MYO6: variants seen among roughly 807,000 people sequenced by gnomAD.
The protein encoded by MYO6 is myosin VI.
In MYO6, 74 loss-of-function variants were observed where a neutral mutation model predicts 178.7. The ratio of observed to expected loss-of-function variants is 0.41; its 90% CI spans 0.34 to 0.50. The LOEUF (loss-of-function observed/expected upper bound fraction) is 0.50. MYO6 is among the 20% of genes least tolerant of loss of function. The pLI, the probability that MYO6 is intolerant of heterozygous loss-of-function variation, is 0.09. For missense variants in MYO6, 1,330 were observed against 1,547.4 expected, an observed-to-expected ratio of 0.86 and a Z score of 2.36; for synonymous variants, 477 against 504.6, an observed-to-expected ratio of 0.95 and a Z score of 0.73.
At chr6:75,820,154 C>T (rs1298619369) in intron 2 of MYO6, among the ~76,000 whole-genome samples, 2 of 152,196 alleles carry the variant, frequency 1.3e-5, no homozygotes, top group Non-Finnish European at 2.9e-5. Flanking sequence ...AAATTTATGG[C>T]ATAGAAGGGT....
chr6:75,808,015 G>A (rs1417500204), intron 1 of MYO6, among the ~76,000 whole-genome samples: 2 of 152,100 alleles, frequency 1.3e-5, no homozygotes, highest in Non-Finnish European at 2.9e-5. Context: ...AGGTTGCCTC[G>A]TCTTTATCTT....
intron 22 of MYO6, among the ~76,000 whole-genome samples, 166 bp downstream of exon 22, chr6:75,880,286 TGAGAG>T (rs1562278893): frequency 6.6e-6 from 1 of 152,210 alleles, no homozygotes; most frequent in Non-Finnish European, 1.5e-5. Flanking sequence ...AAAAAAAAGT[TGAGAG>T]GAAGATAATT....
At chr6:75,857,065 A>G (rs545034272) in intron 12 of MYO6, 32 bp from the exon 13 acceptor site, 2 of 1,611,546 alleles carry the variant, frequency 1.2e-6, no homozygotes, top group African/African-American at 1.3e-5. Flanking sequence ...ACTATTATAA[A>G]GAATTTTTAC....
At position 75,832,940 on chromosome 6, in the gene MYO6, G is replaced by A; in HGVS notation, c.490G>A (p.Val164Ile). The A allele has an allele frequency of 6.2e-7, 1 of 1,607,742 alleles. No homozygotes were observed. The highest frequency in any genetic ancestry group is 8.5e-7 in the Non-Finnish European group (1 of 1,174,260). Residue 164 changes from valine (V) to isoleucine (I), a missense_variant, in exon 6 of 35, where the codon GTT becomes ATT. Val to Ile is a conservative substitution (Grantham distance 29). Coordinates refer to ENST00000369977, the MANE Select transcript of MYO6 (RefSeq NM_004999.4). ...CGGCAAAACAGAAAATACAAAATTT[G>A]TTCTAAGGTGAGTATTCAGCTAACT... is the stretch of plus-strand genomic sequence containing the variant. ...GAGKTENTKFVLRYLTESYGT... is the reference protein window; with the variant it reads ...GAGKTENTKFILRYLTESYGT...
intron 30 of MYO6, among the ~76,000 whole-genome samples, chr6:75,907,127 G>A (rs915923102): frequency 6.6e-6 from 1 of 152,184 alleles, no homozygotes; most frequent in Non-Finnish European, 1.5e-5. Flanking sequence ...CACTGTGTGT[G>A]AATGGAGTTT....
intron 1 of MYO6, among the ~76,000 whole-genome samples, chr6:75,762,595 G>A (rs759990417): frequency 2.4e-4 from 37 of 152,242 alleles, no homozygotes; most frequent in Middle Eastern, 3.4e-3. Flanking sequence ...GTGCATCTAT[G>A]CCCCACTCTC....
intron 11 of MYO6, among the ~76,000 whole-genome samples, chr6:75,848,737 T>A (rs960550579): frequency 6.6e-6 from 1 of 152,304 alleles, no homozygotes; most frequent in East Asian, 1.9e-4. Flanking sequence ...ATCAGTGATA[T>A]TGCTTAGGAA....
intron 1 of MYO6, among the ~76,000 whole-genome samples, chr6:75,753,455 GTATATATATATA>G (rs58108910): frequency 7.1e-6 from 1 of 140,040 alleles, no homozygotes; most frequent in African/African-American, 2.7e-5. Context: ...GTGTGTGTGT[GTATATATATATA>G]TATATATATA....
rs1274437094 is a variant in MYO6, at chr6:75,786,832, C to T, written c.-47-30669C>T. Among the ~76,000 whole-genome samples, 6 of 152,208 alleles carry T rather than the reference C, an allele frequency of 3.9e-5. No individual in the cohort carries two copies. In the East Asian group the frequency reaches 1.2e-3, roughly 29 times the overall value. The stretch of plus-strand genomic sequence containing the variant: ...TAAGTTGACATGCTGTCCCTTTACC[C>T]CTAAACACTTCAGTGTGTATTTCTT... On this transcript the variant is annotated intron_variant, in intron 1 of 34. Coordinates refer to ENST00000369977, the MANE Select transcript of MYO6 (RefSeq NM_004999.4).
At chr6:75,821,433 T>C (rs1244793336) in intron 2 of MYO6, among the ~76,000 whole-genome samples, 1 of 152,224 alleles carries the variant, frequency 6.6e-6, no homozygotes, top group African/African-American at 2.4e-5. Context: ...TTAATGCACA[T>C]GATGGGTTAA....
intron 1 of MYO6, among the ~76,000 whole-genome samples, chr6:75,758,676 T>G (rs1562117049): frequency 6.6e-6 from 1 of 152,148 alleles, no homozygotes; most frequent in Non-Finnish European, 1.5e-5. Context: ...GCCAGGATGG[T>G]CTTGCTCTCC....
At chr6:75,752,783 A>G (rs759271714) in intron 1 of MYO6, among the ~76,000 whole-genome samples, 3 of 152,176 alleles carry the variant, frequency 2.0e-5, no homozygotes, top group African/African-American at 4.8e-5. Context: ...GTATAGTTCT[A>G]GGACATTATA....
intron 3 of MYO6, among the ~76,000 whole-genome samples, chr6:75,827,706 G>A (rs1223336082): frequency 6.6e-6 from 1 of 152,218 alleles, no homozygotes; most frequent in Non-Finnish European, 1.5e-5. Context: ...TATGCTTTGA[G>A]TACCTGCCAT....
chr6:75,898,759 G>A (rs1373494290), intron 30 of MYO6, among the ~76,000 whole-genome samples: 1 of 152,062 alleles, frequency 6.6e-6, no homozygotes, highest in Non-Finnish European at 1.5e-5. Context: ...AACTCTCCCT[G>A]GGGTGGTGCT....
intron 30 of MYO6, among the ~76,000 whole-genome samples, chr6:75,903,806 C>T (rs1197680241): frequency 6.6e-6 from 1 of 151,668 alleles, no homozygotes; most frequent in Non-Finnish European, 1.5e-5. Flanking sequence ...TTAGTTGATG[C>T]AGTTTCTTCC....
intron 1 of MYO6, among the ~76,000 whole-genome samples, chr6:75,792,592 A>G (rs942379998): frequency 1.3e-5 from 2 of 151,872 alleles, no homozygotes; most frequent in African/African-American, 2.4e-5. Context: ...AGAATATAAC[A>G]TTTTCAAATA....
intron 18 of MYO6, among the ~76,000 whole-genome samples, chr6:75,867,871 GA>G (rs965911536): frequency 1.8e-4 from 28 of 151,664 alleles, no homozygotes; most frequent in African/African-American, 4.1e-4. Context: ...GAGGAGTGTA[GA>G]AAAAAAATGT....
At chr6:75,767,756 A>G (rs921862822) in intron 1 of MYO6, among the ~76,000 whole-genome samples, 27 of 152,120 alleles carry the variant, frequency 1.8e-4, no homozygotes, top group African/African-American at 4.6e-4. Context: ...AGCTCAAGCC[A>G]TCTGCTTGCC....
At chr6:75,851,857 A>G (rs1257978958) in intron 11 of MYO6, among the ~76,000 whole-genome samples, 2 of 152,120 alleles carry the variant, frequency 1.3e-5, no homozygotes, top group African/African-American at 2.4e-5. Flanking sequence ...TGGTATTTTT[A>G]TAATTATTCT....
Sources: allele counts gnomAD v4.1 joint callset (sites outside exome capture counted in the v4.1 genomes callset), GRCh38; gene constraint gnomAD v4.1.1; transcripts MANE v1.5; gene names NCBI Gene and HGNC (gene_info 2026-07-23, HGNC 2026-07-21).